GRM5: variants seen among roughly 807,000 people sequenced by gnomAD.
GRM5 encodes the protein metabotropic glutamate receptor 5.
In GRM5, 19 loss-of-function variants were observed where a neutral mutation model predicts 83.1. That is an observed-to-expected ratio of 0.23 (90% CI 0.16 to 0.34). The LOEUF is 0.34. Among genes scored for constraint, GRM5 ranks in the 10% least tolerant of loss-of-function variants. The pLI is 1.00. For synonymous variants in GRM5, 675 were observed against 633.6 expected, an observed-to-expected ratio of 1.07 and a Z score of -0.98; for missense variants, 1,160 against 1,588.3, an observed-to-expected ratio of 0.73 and a Z score of 4.58.
At chr11:88,657,816 A>G (rs1383283362) in intron 3 of GRM5, among the ~76,000 whole-genome samples, 2 of 152,142 alleles carry the variant, frequency 1.3e-5, no homozygotes, top group African/African-American at 4.8e-5. Flanking sequence ...CTTAGACTAA[A>G]TTATTTTGTC....
intron 2 of GRM5, among the ~76,000 whole-genome samples, chr11:88,969,241 A>ATT (rs1939088620): frequency 6.6e-6 from 1 of 152,026 alleles, no homozygotes; most frequent in Non-Finnish European, 1.5e-5. Flanking sequence ...TCTGTCACTG[A>ATT]TTATATATAT....
At chr11:89,028,041 C>T (rs562684654) in intron 2 of GRM5, among the ~76,000 whole-genome samples, 3 of 152,284 alleles carry the variant, frequency 2.0e-5, no homozygotes, top group East Asian at 1.9e-4. Context: ...GAGGACAACA[C>T]AGCATTCAAG....
chr11:88,531,200 G>A (rs541990859), intron 8 of GRM5, among the ~76,000 whole-genome samples: 11 of 152,226 alleles, frequency 7.2e-5, no homozygotes, highest in East Asian at 1.9e-4. Context: ...TGTGAAACAC[G>A]TGATATGGAA....
intron 3 of GRM5, among the ~76,000 whole-genome samples, chr11:88,813,282 C>A (rs1366150792): frequency 6.6e-6 from 1 of 152,120 alleles, no homozygotes; most frequent in Non-Finnish European, 1.5e-5. Context: ...GTAGGGGGTA[C>A]TAAATGCTGT....
chr11:88,680,270 T>C (rs936337415), intron 3 of GRM5, among the ~76,000 whole-genome samples: 1 of 151,994 alleles, frequency 6.6e-6, no homozygotes, highest in Admixed American at 6.6e-5. Context: ...GTGTGTGATG[T>C]TCCCCTTCCT....
intron 4 of GRM5, among the ~76,000 whole-genome samples, chr11:88,640,041 A>T (rs557281199): frequency 1.1e-4 from 16 of 152,176 alleles, no homozygotes; most frequent in Non-Finnish European, 1.8e-4. Flanking sequence ...AAACTTCCAT[A>T]GCTGGGGCTT....
intron 4 of GRM5, among the ~76,000 whole-genome samples, chr11:88,608,653 G>A (rs1265652407): frequency 1.3e-5 from 2 of 151,202 alleles, no homozygotes; most frequent in Non-Finnish European, 2.9e-5. Flanking sequence ...CGAGTAGCTG[G>A]GACTACAGGA....
chr11:88,829,638 CTTT>C (rs540093817), intron 3 of GRM5, among the ~76,000 whole-genome samples: 28 of 151,990 alleles, frequency 1.8e-4, no homozygotes, highest in Non-Finnish European at 2.2e-4. Flanking sequence ...GGAAAGAATT[CTTT>C]ATTTACTAAA....
At chr11:88,989,907 C>G (rs1010824660) in intron 2 of GRM5, among the ~76,000 whole-genome samples, 2 of 151,696 alleles carry the variant, frequency 1.3e-5, no homozygotes, top group Admixed American at 6.6e-5. Flanking sequence ...CAAGAGAAAG[C>G]AGGAAAGATC....
chr11:88,696,607 C>A (rs936282346), intron 3 of GRM5, among the ~76,000 whole-genome samples: 6 of 152,180 alleles, frequency 3.9e-5, no homozygotes, highest in African/African-American at 1.4e-4. Flanking sequence ...GTCAGACACA[C>A]CTGGATTCCG....
chr11:88,772,354 T>A, intron 3 of GRM5, among the ~76,000 whole-genome samples: 1 of 152,092 alleles, frequency 6.6e-6, no homozygotes, highest in East Asian at 1.9e-4. Context: ...CAGACTTGCT[T>A]TATTTCTTAC....
intron 2 of GRM5, among the ~76,000 whole-genome samples, chr11:89,035,025 A>G (rs189915901): frequency 2.0e-5 from 3 of 151,664 alleles, no homozygotes; most frequent in Admixed American, 2.0e-4. Context: ...ATGTTTTTGT[A>G]TCCTCTGAGC....
intron 3 of GRM5, among the ~76,000 whole-genome samples, chr11:88,797,107 G>C (rs1943294619): frequency 6.6e-6 from 1 of 152,018 alleles, no homozygotes; most frequent in Non-Finnish European, 1.5e-5. Flanking sequence ...TTCAACATGA[G>C]AAGACTGGAT....
intron 2 of GRM5, among the ~76,000 whole-genome samples, chr11:88,875,525 A>G (rs545479573): frequency 3.3e-5 from 5 of 152,144 alleles, no homozygotes; most frequent in African/African-American, 1.2e-4. Context: ...ACTCCCATGA[A>G]TCACTAATGT....
intron 3 of GRM5, among the ~76,000 whole-genome samples, chr11:88,790,923 T>C (rs1055848881): frequency 6.6e-6 from 1 of 152,098 alleles, no homozygotes; most frequent in African/African-American, 2.4e-5. Flanking sequence ...CTCTGGAAAT[T>C]TATAACAGTT....
chr11:88,907,603 A>G (rs573896331), intron 2 of GRM5, among the ~76,000 whole-genome samples: 1 of 152,294 alleles, frequency 6.6e-6, no homozygotes, highest in South Asian at 2.1e-4. Flanking sequence ...AAATTATTAT[A>G]ATTACATGGA....
chr11:88,720,013 T>C (rs889269763), intron 3 of GRM5, among the ~76,000 whole-genome samples: 1 of 152,112 alleles, frequency 6.6e-6, no homozygotes, highest in Non-Finnish European at 1.5e-5. Flanking sequence ...ATTCTGTAGC[T>C]TGTCTGTTTA....
At chr11:88,915,396 C>T (rs1177445796) in intron 2 of GRM5, among the ~76,000 whole-genome samples, 3 of 151,896 alleles carry the variant, frequency 2.0e-5, no homozygotes, top group Non-Finnish European at 4.4e-5. Context: ...CCAGTGATAT[C>T]GAGGTCATAT....
chr11:88,917,138 G>A (rs1209102492), intron 2 of GRM5, among the ~76,000 whole-genome samples: 3 of 152,182 alleles, frequency 2.0e-5, no homozygotes, highest in African/African-American at 4.8e-5. Context: ...AGCTCAGTAC[G>A]AAGAGACATA....
Sources: allele counts gnomAD v4.1 joint callset (sites outside exome capture counted in the v4.1 genomes callset), GRCh38; gene constraint gnomAD v4.1.1; transcripts MANE v1.5; gene names NCBI Gene and HGNC (gene_info 2026-07-23, HGNC 2026-07-21).